Variants in CLOCK observed in about 807,000 individuals in gnomAD.
CLOCK encodes the protein clock circadian regulator.
A neutral mutation model predicts 118.4 loss-of-function variants in CLOCK; 43 were observed. The observed-to-expected ratio is 0.36, with a 90% confidence interval of 0.28 to 0.47. CLOCK has a LOEUF of 0.47. CLOCK is among the 20% of genes least tolerant of loss of function. The pLI is 1.00. For missense variants in CLOCK, 846 were observed against 999.9 expected, an observed-to-expected ratio of 0.85 and a Z score of 2.08; for synonymous variants, 326 against 339.2, an observed-to-expected ratio of 0.96 and a Z score of 0.43.
At chr4:55,486,243 C>G (rs186669821) in intron 3 of CLOCK, 8 of 152,288 alleles carry the variant, frequency 5.3e-5, no homozygotes, top group African/African-American at 1.9e-4. Context: ...TTTGTTTATA[C>G]TTACTACCAA....
At position 55,495,361 on chromosome 4, in the gene CLOCK, G is replaced by A. The variant is rs937934101; in HGVS notation, c.-135-5896C>T. On this transcript the variant is annotated intron_variant, in intron 2 of 22. Transcript: ENST00000513440. ...GCTGTAACCTCTCTCCCCTCTGGGA[G>A]TTCTGCTCTAACTCCAGCCCTTTCA... Among the ~76,000 whole-genome samples the A allele has an allele frequency of 4.6e-5, 7 of 152,160 alleles. No homozygotes were observed. The East Asian group carries it at 9.6e-4, about 21-fold the overall frequency.
intron 1 of CLOCK, among the ~76,000 whole-genome samples, chr4:55,510,629 TAAA>T (rs3842583): frequency 0.31 from 32,316 of 103,974 alleles, 4,710 homozygotes; most frequent in East Asian, 0.53. Context: ...TCTGTCTTTT[TAAA>T]AAAAAAAAAA....
chr4:55,487,260 G>C (rs1727356820), intron 3 of CLOCK, among the ~76,000 whole-genome samples: 1 of 152,132 alleles, frequency 6.6e-6, no homozygotes, highest in African/African-American at 2.4e-5. Context: ...GCACATAAGA[G>C]GTTTTTCCTC....
At chr4:55,522,796 CAAAT>C (rs901603802) in intron 1 of CLOCK, among the ~76,000 whole-genome samples, 22 of 152,148 alleles carry the variant, frequency 1.4e-4, no homozygotes, top group African/African-American at 5.3e-4. Context: ...TGTACACACA[CAAAT>C]ACACACACTC....
intron 2 of CLOCK, among the ~76,000 whole-genome samples, chr4:55,505,002 G>A (rs1309690590): frequency 6.6e-6 from 1 of 151,976 alleles, no homozygotes; most frequent in Non-Finnish European, 1.5e-5. Context: ...GGCCAACATA[G>A]TGAAACCCTG....
intron 20 of CLOCK, among the ~76,000 whole-genome samples, 158 bp from the exon 21 acceptor site, chr4:55,442,792 G>A (rs578180781): frequency 3.9e-5 from 6 of 152,162 alleles, no homozygotes; most frequent in African/African-American, 7.2e-5. Flanking sequence ...GGAATGACTC[G>A]TGGTAACTGA....
intron 2 of CLOCK, among the ~76,000 whole-genome samples, chr4:55,508,053 A>G (rs1287751071): frequency 6.6e-6 from 1 of 152,200 alleles, no homozygotes; most frequent in African/African-American, 2.4e-5. Flanking sequence ...GTAAACACAA[A>G]AATTATGGTC....
intron 8 of CLOCK, among the ~76,000 whole-genome samples, chr4:55,464,048 T>C (rs1725554722): frequency 6.6e-6 from 1 of 152,184 alleles, no homozygotes; most frequent in South Asian, 2.1e-4. Flanking sequence ...TTCACCAAAA[T>C]GTTCTGAACA....
At chr4:55,539,572 C>CAAAAAAAAAAAAAAAAA (rs57022769) in intron 1 of CLOCK, among the ~76,000 whole-genome samples, 3 of 52,064 alleles carry the variant, frequency 5.8e-5, no homozygotes, top group Non-Finnish European at 9.6e-5. Context: ...GACCTTGTCT[C>CAAAAAAAAAAAAAAAAA]AAAAAAAAAA....
chr4:55,499,765 C>A (rs923347532), intron 2 of CLOCK, among the ~76,000 whole-genome samples: 2 of 152,208 alleles, frequency 1.3e-5, no homozygotes, highest in Non-Finnish European at 2.9e-5. Context: ...TGGTTTACAC[C>A]ATAGTTCAGC....
chr4:55,506,134 A>T (rs1325579267), intron 2 of CLOCK, among the ~76,000 whole-genome samples: 2 of 152,114 alleles, frequency 1.3e-5, no homozygotes, highest in African/African-American at 4.8e-5. Flanking sequence ...ACTGAATCCA[A>T]TCCAGGGTCA....
chr4:55,480,825 A>G (rs1035807554), intron 4 of CLOCK, among the ~76,000 whole-genome samples: 8 of 151,132 alleles, frequency 5.3e-5, no homozygotes, highest in Non-Finnish European at 1.0e-4. Context: ...CAGGAGGTGG[A>G]GCTTGCAGTG....
At chr4:55,453,019 TTAAAAA>T (rs757299709) in intron 15 of CLOCK, 29 bp downstream of exon 15, 16 of 1,439,122 alleles carry the variant, frequency 1.1e-5, no homozygotes, top group Non-Finnish European at 1.5e-5. Flanking sequence ...TGGGGAGAAA[TTAAAAA>T]TAATTTTTTT....
At chr4:55,446,603 C>A (rs1462503271) in intron 18 of CLOCK, among the ~76,000 whole-genome samples, 1 of 152,088 alleles carries the variant, frequency 6.6e-6, no homozygotes, top group Non-Finnish European at 1.5e-5. Flanking sequence ...AATGAATAAA[C>A]GCATACATGA....
intron 15 of CLOCK, 156 bp downstream of exon 15, chr4:55,452,898 T>C: frequency 1.8e-6 from 1 of 570,884 alleles, no homozygotes; most frequent in Non-Finnish European, 3.0e-6. Context: ...GACTCTAAAA[T>C]ATTAAATTAA....
At chr4:55,440,712 T>C (rs1182228495) in intron 21 of CLOCK, among the ~76,000 whole-genome samples, 1 of 152,222 alleles carries the variant, frequency 6.6e-6, no homozygotes, top group Non-Finnish European at 1.5e-5. Flanking sequence ...AATTAATACC[T>C]GAATTAGCCC....
At chr4:55,479,723 G>T (rs377190955) in intron 4 of CLOCK, 24 bp from the exon 5 acceptor site, 3 of 1,595,014 alleles carry the variant, frequency 1.9e-6, no homozygotes, top group Non-Finnish European at 2.6e-6. Flanking sequence ...GATAGAGAAA[G>T]TAAGAGCAGA....
rs1399697915 is a variant in CLOCK, at chr4:55,430,862, T to TA, written c.*4552dup. ...CACAATAGGCAAGATAGGTTTACAATAGTGTTTAAATCAAACTAGGCATCT... is the reference window on the plus strand; with the variant it reads ...CACAATAGGCAAGATAGGTTTACAATAAGTGTTTAAATCAAACTAGGCATCT... On this transcript the variant is annotated 3_prime_UTR_variant, in exon 23 of 23. Coordinates refer to ENST00000513440, the MANE Select transcript of CLOCK (RefSeq NM_004898.4). The TA allele has an allele frequency of 6.6e-6, 1 of 152,174 alleles. No homozygotes were observed. The highest frequency in any genetic ancestry group is 2.4e-5 in the African/African-American group (1 of 41,440). 9.4% of individuals were successfully genotyped at this position (152,174 alleles called of 1,614,324 possible).
intron 1 of CLOCK, among the ~76,000 whole-genome samples, chr4:55,538,211 A>C (rs1261325722): frequency 6.6e-6 from 1 of 152,244 alleles, no homozygotes; most frequent in African/African-American, 2.4e-5. Context: ...AAGTTAAATG[A>C]AATGGGTAAG....
Sources: gnomAD v4.1 joint callset for allele counts (sites outside exome capture counted in the v4.1 genomes callset) on GRCh38, gnomAD v4.1.1 for gene constraint, MANE v1.5 for transcripts, NCBI Gene and HGNC (gene_info 2026-07-23, HGNC 2026-07-21) for gene names.